The following PAPLN variants were observed in gnomAD, a reference collection of about 807,000 sequenced individuals.
The protein encoded by PAPLN is papilin, proteoglycan like sulfated glycoprotein.
PAPLN carries 146 observed loss-of-function variants against 159.0 expected under a neutral mutation model. That is an observed-to-expected ratio of 0.92 (90% CI 0.80 to 1.05). The LOEUF is 1.05. Ranked by LOEUF, PAPLN falls within the 50% of genes least tolerant of loss-of-function variation. The pLI is 0.00. For synonymous variants in PAPLN, 734 were observed against 702.9 expected, an observed-to-expected ratio of 1.04 and a Z score of -0.70; for missense variants, 1,720 against 1,743.9, an observed-to-expected ratio of 0.99 and a Z score of 0.24.
intron 6 of PAPLN, 35 bp from the exon 7 acceptor site, chr14:73,250,872 G>C: frequency 2.5e-6 from 4 of 1,577,062 alleles, no homozygotes; most frequent in Non-Finnish European, 3.4e-6. Flanking sequence ...TGGCCATGAT[G>C]CCGTCTCCCC....
Position 73,244,718 on chromosome 14 carries a change from A to AG in PAPLN, c.134dup (p.Val46CysfsTer72). 2 of 1,593,966 alleles carry AG rather than the reference A, an allele frequency of 1.3e-6. 1 individual carries two copies. The highest frequency in any genetic ancestry group is 1.7e-6 in the Non-Finnish European group (2 of 1,170,724). The stretch of plus-strand genomic sequence containing the variant: ...GGAGCCCCTGCAGCCGGACCTGTGG[A>AG]GGGGGTGTCAGCTTCCGGGAGCGCC... On this transcript the variant is annotated frameshift_variant, in exon 3 of 27. Coordinates refer to ENST00000644200, the MANE Select transcript of PAPLN (RefSeq NM_001365906.3). LOFTEE classifies it high-confidence loss of function.
At chr14:73,246,495 A>C (rs1425135202) in intron 5 of PAPLN, among the ~76,000 whole-genome samples, 2 of 143,466 alleles carry the variant, frequency 1.4e-5, no homozygotes, top group Non-Finnish European at 3.0e-5. Flanking sequence ...TGGGGAGGAG[A>C]GGGTCTGCAG....
chr14:73,242,185 C>T (rs1461324926), intron 2 of PAPLN, among the ~76,000 whole-genome samples: 3 of 152,236 alleles, frequency 2.0e-5, no homozygotes, highest in Non-Finnish European at 2.9e-5. Context: ...CGGACTAGGG[C>T]TCCTGGCTAG....
chr14:73,251,212 C>T (rs1885214817), intron 7 of PAPLN, among the ~76,000 whole-genome samples, 182 bp downstream of exon 7: 1 of 152,172 alleles, frequency 6.6e-6, no homozygotes, highest in South Asian at 2.1e-4. Context: ...CGTGCCCGCT[C>T]GTGCAGTCCC....
At chr14:73,251,986 A>G (rs1413894733) in intron 9 of PAPLN, 32 bp from the exon 10 acceptor site, 3 of 1,585,628 alleles carry the variant, frequency 1.9e-6, no homozygotes, top group East Asian at 2.2e-5. Context: ...GCTCCCCAGC[A>G]GCAGACCCCA....
At chr14:73,248,425 G>C (rs749429139) in intron 5 of PAPLN, among the ~76,000 whole-genome samples, 2 of 152,162 alleles carry the variant, frequency 1.3e-5, no homozygotes, top group Admixed American at 6.5e-5. Flanking sequence ...AAAGAGAGTA[G>C]AGGGATACCT....
At chr14:73,257,998 C>T (rs1450003654) in intron 14 of PAPLN, among the ~76,000 whole-genome samples, 2 of 152,156 alleles carry the variant, frequency 1.3e-5, no homozygotes, top group African/African-American at 4.8e-5. Flanking sequence ...CTCCTGACCT[C>T]AAGTGATCCT....
chr14:73,265,452 T>C lies in PAPLN; in HGVS notation c.3208T>C (p.Phe1070Leu), dbSNP rs770194008. 1 of 1,613,630 alleles carries C rather than the reference T, an allele frequency of 6.2e-7. No individual in the cohort carries two copies. Among genetic ancestry groups the C allele is most frequent in the Non-Finnish European group, 8.5e-7 (1 of 1,180,028 alleles). Residue 1070 changes from phenylalanine (F) to leucine (L), a missense_variant, in exon 23 of 27, where the codon TTC becomes CTC. By Grantham distance (22) the Phe-to-Leu change is conservative. Transcript: ENST00000644200. The surrounding 1 kb of genome is among the most constrained non-coding windows in gnomAD (Gnocchi z 4.1). Reference protein sequence around the residue: ...RIRMTCRAEGFPPPAIEWQRD... With the variant: ...RIRMTCRAEGLPPPAIEWQRD... ...CCGGATGACCTGCCGTGCCGAAGGCTTCCCGCCCCCAGCCATCGAGTGGCA... is the reference window on the plus strand; with the variant it reads ...CCGGATGACCTGCCGTGCCGAAGGCCTCCCGCCCCCAGCCATCGAGTGGCA...
chr14:73,263,252 T>C, intron 19 of PAPLN: 2 of 344,974 alleles, frequency 5.8e-6, no homozygotes, highest in Admixed American at 8.6e-5. Context: ...CTCCTGGGAC[T>C]GGATCATATT....
rs1382743751 is a variant in PAPLN, at chr14:73,264,609, C to CT, written c.3009dup (p.Glu1004Ter). The CT allele has an allele frequency of 4.4e-6, 7 of 1,603,298 alleles. No homozygotes were observed. The highest frequency in any genetic ancestry group is 5.9e-6 in the Non-Finnish European group (7 of 1,177,318). ...ACAGGGGGTGACATGGCCGTGCTGTCTGAGGCTGAGCTGAGCCGCTTCCCT... is the reference window on the plus strand; with the variant it reads ...ACAGGGGGTGACATGGCCGTGCTGTCTTGAGGCTGAGCTGAGCCGCTTCCCT... On this transcript the variant is annotated frameshift_variant, in exon 22 of 27. Coordinates refer to ENST00000644200, the MANE Select transcript of PAPLN (RefSeq NM_001365906.3). LOFTEE classifies it high-confidence loss of function.
At chr14:73,242,471 A>G (rs1883675059) in intron 2 of PAPLN, among the ~76,000 whole-genome samples, 1 of 152,354 alleles carries the variant, frequency 6.6e-6, no homozygotes, top group Admixed American at 6.5e-5. Context: ...GGCCCAACCC[A>G]GCAGCTAAGA....
chr14:73,254,938 C>T lies in PAPLN; in HGVS notation c.1547C>T (p.Pro516Leu), dbSNP rs768277644. 6.2e-7 allele frequency: 1 copy of T among 1,613,594 alleles called. No individual in the cohort carries two copies. The highest frequency in any genetic ancestry group is 1.3e-5 in the African/African-American group (1 of 75,040). The part of the protein sequence containing the change: ...RRQVICAIGP[P>L]SHCGSLQHSK... ...CAGGTCATCTGTGCCATTGGGCCGC[C>T]CAGCCACTGCGGGAGCCTGCAGCAC... The change falls in exon 14 of 27, where the codon CCC becomes CTC. Residue 516 changes from proline to leucine, a missense_variant. Pro to Leu is a moderately conservative substitution (Grantham distance 98). Transcript: ENST00000644200.
intron 20 of PAPLN, 82 bp downstream of exon 20, chr14:73,263,864 C>CG: frequency 6.9e-7 from 1 of 1,457,112 alleles, no homozygotes; most frequent in Non-Finnish European, 9.3e-7. Context: ...ACAGCTCCCC[C>CG]ACCTCCTCTG....
Position 73,262,589 on chromosome 14 carries a change from G to A in PAPLN, c.2485G>A (p.Gly829Ser), listed in dbSNP as rs756661474. 1.9e-5 allele frequency: 30 copies of A among 1,560,780 alleles called. No individual in the cohort carries two copies. The highest frequency in any genetic ancestry group is 1.7e-4 in the Admixed American group (9 of 52,288). The change falls in exon 19 of 27, where the codon GGC becomes AGC. Residue 829 changes from glycine (G) to serine (S), a missense_variant. Gly to Ser is a moderately conservative substitution (Grantham distance 56). Coordinates refer to ENST00000644200, the MANE Select transcript of PAPLN (RefSeq NM_001365906.3). ...SGRSTHTDGG[G>S]SSPAGEQEPS... ...AAGGAGCACCCACACGGATGGTGGC[G>A]GCAGCAGTCCTGCAGGCGAGCAGGA...
At position 73,261,183 on chromosome 14, in the gene PAPLN, C is replaced by G; in HGVS notation, c.2134C>G (p.Gln712Glu). ...CCACAACACCCACCAGCCCCAGGCC[C>G]AGCAGAATGAGCCCAGTGAGTGCCG... ...TVHNTHQPQA[Q>E]QNEPSECRGS... Residue 712 changes from glutamine to glutamate, a missense_variant, in exon 18 of 27, where the codon CAG becomes GAG. By Grantham distance (29) the Gln-to-Glu change is conservative. Transcript: ENST00000644200. The G allele has an allele frequency of 6.2e-7, 1 of 1,614,134 alleles. No homozygotes were observed. Among genetic ancestry groups the G allele is most frequent in the Non-Finnish European group, 8.5e-7 (1 of 1,180,040 alleles).
chr14:73,258,094 A>G (rs575974706), intron 14 of PAPLN, among the ~76,000 whole-genome samples: 5 of 152,096 alleles, frequency 3.3e-5, no homozygotes, highest in Non-Finnish European at 5.9e-5. Context: ...CCCTTTGTCT[A>G]TTCATCCAAT....
chr14:73,244,356 G>T, intron 2 of PAPLN: 1 of 347,602 alleles, frequency 2.9e-6, no homozygotes, highest in Non-Finnish European at 5.3e-6. Context: ...TGGCTGTAGG[G>T]TCCCTCCCCT....
Position 73,251,563 on chromosome 14 carries a change from C to G in PAPLN, c.667C>G (p.Leu223Val), listed in dbSNP as rs1168697525. The G allele has an allele frequency of 6.2e-7, 1 of 1,612,896 alleles. No individual in the cohort carries two copies. Among genetic ancestry groups the G allele is most frequent in the Admixed American group, 1.7e-5 (1 of 60,008 alleles). Residue 223 changes from leucine (L) to valine (V), a missense_variant, in exon 8 of 27, where the codon CTG (leucine) becomes GTG (valine). Transcript: ENST00000644200. ...CGAGGCTGCTGCCAGCAGGAACTTC[C>G]TGGGTGAGAGCCTAGGGTTAGGTCC... Reference protein sequence around the residue: ...IDEAAASRNFLAVKNVRGEYY... With the variant: ...IDEAAASRNFVAVKNVRGEYY...
chr14:73,244,925 C>T, intron 3 of PAPLN, 166 bp downstream of exon 3: 1 of 572,892 alleles, frequency 1.7e-6, no homozygotes, highest in South Asian at 2.2e-5. Context: ...CGCAGGAAAT[C>T]AAACCATTTC....
Sources: allele counts gnomAD v4.1 joint callset (sites outside exome capture counted in the v4.1 genomes callset), GRCh38; gene constraint gnomAD v4.1.1; non-coding constraint Gnocchi (gnomAD v3.1); transcripts MANE v1.5; gene names NCBI Gene and HGNC (gene_info 2026-07-23, HGNC 2026-07-21).